Variants in KIF21B observed in about 807,000 individuals in gnomAD.
KIF21B encodes the protein kinesin family member 21B.
Under a neutral mutation model 192.9 loss-of-function variants are expected in KIF21B, and 85 were observed. That is an observed-to-expected ratio of 0.44 (90% confidence interval 0.37 to 0.53). KIF21B has a LOEUF of 0.53. KIF21B is among the 20% of genes least tolerant of loss of function. KIF21B has a pLI of 0.00. For synonymous variants in KIF21B, 832 were observed against 884.6 expected (o/e 0.94, Z 1.05); for missense variants, 1,716 against 2,194.8 (o/e 0.78, Z 4.36).
intron 23 of KIF21B, 33 bp downstream of exon 23, chr1:200,988,460 A>G (rs772759732): frequency 6.5e-6 from 10 of 1,549,398 alleles, no homozygotes; most frequent in Admixed American, 3.5e-5. Context: ...ACATGCTGTG[A>G]GCCAGCCTCT....
chr1:200,990,857 C>G lies in KIF21B; in HGVS notation c.2687+60G>C. The G allele has an allele frequency of 6.2e-7, 1 of 1,605,744 alleles. No homozygotes were observed. Among genetic ancestry groups the G allele is most frequent in the Non-Finnish European group, 8.5e-7 (1 of 1,173,300 alleles). On this transcript the variant is annotated intron_variant, in intron 18 of 34. Coordinates refer to ENST00000461742, the MANE Select transcript of KIF21B (RefSeq NM_001252102.2). The surrounding 1 kb of genome is among the most constrained non-coding windows in gnomAD (Gnocchi z 5.4). The stretch of plus-strand genomic sequence containing the variant: ...AGCTTCCCTCTTCCTCACCCTGGCC[C>G]TGCCCCATATTCCCACCCCCTCTGC...
At position 200,975,894 on chromosome 1, in the gene KIF21B, A is replaced by C. The variant is rs758002477; in HGVS notation, c.4444-225T>G. 2.0e-5 allele frequency among the ~76,000 whole-genome samples: 3 copies of C among 152,042 alleles called. No homozygotes were observed. The highest frequency in any genetic ancestry group is 2.9e-5 in the Non-Finnish European group (2 of 67,974). ...GTTCAGATCTTGACCCTTCCTGTGG[A>C]TACTGGGGCAGGGGTGGGAGGAGAC... On this transcript the variant is annotated intron_variant, in intron 32 of 34. Coordinates refer to ENST00000461742, the MANE Select transcript of KIF21B (RefSeq NM_001252102.2). The surrounding 1 kb of genome is among the most constrained non-coding windows in gnomAD (Gnocchi z 4.3).
intron 1 of KIF21B, among the ~76,000 whole-genome samples, chr1:201,021,086 T>G (rs1220039164): frequency 3.3e-5 from 5 of 152,112 alleles, no homozygotes. Flanking sequence ...CACCCAGTCT[T>G]TCAGGTGAGA....
At chr1:200,977,157 G>T in intron 31 of KIF21B, 55 bp downstream of exon 31, 5 of 1,566,036 alleles carry the variant, frequency 3.2e-6, no homozygotes, top group Non-Finnish European at 4.3e-6. Flanking sequence ...ACCAAGACCT[G>T]GGGACCTTGC....
intron 21 of KIF21B, 92 bp from the exon 22 acceptor site, chr1:200,989,023 G>T: frequency 7.5e-7 from 1 of 1,334,752 alleles, no homozygotes; most frequent in Non-Finnish European, 1.0e-6. Context: ...ACACCTTGGA[G>T]TGCTCCTTTC....
intron 6 of KIF21B, 91 bp from the exon 7 acceptor site, chr1:201,004,546 T>G (rs768512738): frequency 2.0e-5 from 24 of 1,228,098 alleles, no homozygotes; most frequent in African/African-American, 1.0e-4. Flanking sequence ...TGTACCTGCC[T>G]CTTTGGCCCC....
At chr1:201,009,529 A>C in intron 1 of KIF21B, 41 bp from the exon 2 acceptor site, 1 of 1,573,548 alleles carries the variant, frequency 6.4e-7, no homozygotes, top group Non-Finnish European at 8.7e-7. Flanking sequence ...GCCCAGCTAG[A>C]AGGGGGCTGC....
rs143475131 is a variant in KIF21B, at chr1:201,006,833, C to T, written c.448-1139G>A. Among the ~76,000 whole-genome samples the T allele has an allele frequency of 8.7e-3, 1,316 of 151,808 alleles. 15 individuals are homozygous for T. The highest frequency in any genetic ancestry group is 0.027 in the African/African-American group (1,111 of 41,356). On this transcript the variant is annotated intron_variant, in intron 3 of 34. Transcript: ENST00000461742. ...ACACCCACATAAAGACACAGAGATA[C>T]ACAGACACAGACACAGAGACACACA...
chr1:201,015,970 A>G (rs1246033409), intron 1 of KIF21B, among the ~76,000 whole-genome samples: 1 of 152,156 alleles, frequency 6.6e-6, no homozygotes, highest in Admixed American at 6.5e-5. Flanking sequence ...GACTTATCTG[A>G]TGAGGACACA....
intron 1 of KIF21B, among the ~76,000 whole-genome samples, chr1:201,014,357 G>T (rs1220652547): frequency 6.6e-6 from 1 of 152,238 alleles, no homozygotes; most frequent in African/African-American, 2.4e-5. Flanking sequence ...CTGGAGCACA[G>T]AGCTGCAGGA....
intron 34 of KIF21B, 153 bp from the exon 35 acceptor site, chr1:200,973,731 C>T (rs1655350153): frequency 2.0e-6 from 3 of 1,475,688 alleles, no homozygotes; most frequent in African/African-American, 2.9e-5. Flanking sequence ...AGGTGGACTG[C>T]AGGTGGTGGG....
rs1448603030 is a variant in KIF21B at position 200,979,569 on chromosome 1, T to C, written c.4126A>G (p.Ile1376Val). Residue 1376 changes from isoleucine to valine, a missense_variant, in exon 30 of 35, where the codon ATC (isoleucine) becomes GTC (valine). This residue lies in a region of KIF21B where 580 missense variants were observed against 775.5 expected (regional missense o/e 0.75). Transcript: ENST00000461742. ...VSTSYIKVWD[I>V]RDSAKCIRTL... The stretch of plus-strand genomic sequence containing the variant: ...CGAATGCACTTGGCTGAGTCCCGGA[T>C]GTCCCACACCTTGATGTAGGAGGTG... The C allele has an allele frequency of 3.2e-6, 5 of 1,579,656 alleles. No individual in the cohort carries two copies. Among genetic ancestry groups the C allele is most frequent in the Admixed American group, 1.8e-5 (1 of 54,426 alleles).
intron 29 of KIF21B, among the ~76,000 whole-genome samples, chr1:200,980,353 C>G (rs1031297795): frequency 6.6e-6 from 1 of 152,228 alleles, no homozygotes; most frequent in Non-Finnish European, 1.5e-5. Context: ...CTCCCGGACT[C>G]AAACGATCCT....
At chr1:201,015,852 T>TA (rs1227359605) in intron 1 of KIF21B, among the ~76,000 whole-genome samples, 2 of 152,212 alleles carry the variant, frequency 1.3e-5, no homozygotes, top group Non-Finnish European at 2.9e-5. Context: ...CAAAGATGAT[T>TA]AAGCCTGGGA....
chr1:201,008,646 C>G, intron 3 of KIF21B, 123 bp downstream of exon 3: 1 of 912,612 alleles, frequency 1.1e-6, no homozygotes. Context: ...GCAGGGAACT[C>G]ATCACCTGGA....
At chr1:200,974,600 T>C in intron 34 of KIF21B, 114 bp downstream of exon 34, 1 of 1,105,596 alleles carries the variant, frequency 9.0e-7, no homozygotes. Flanking sequence ...TGGAATCTGC[T>C]CTGTGAACCG....
Position 200,990,968 on chromosome 1 carries a change from T to C in KIF21B, c.2636A>G (p.His879Arg), listed in dbSNP as rs753653884. ...GGGCGCAGGATGGTCCCCCAAGAAG[T>C]GGTTGATTTTGCGGTTCCACTGGCG... Reference protein sequence around the residue: ...IVRQWNRKINHFLGDHPAPTV... With the variant: ...IVRQWNRKINRFLGDHPAPTV... The change falls in exon 18 of 35, where the codon CAC becomes CGC. Residue 879 changes from histidine to arginine, a missense_variant. His to Arg is a conservative substitution (Grantham distance 29, BLOSUM62 0). Coordinates refer to ENST00000461742, the MANE Select transcript of KIF21B (RefSeq NM_001252102.2). The surrounding 1 kb of genome is among the most constrained non-coding windows in gnomAD (Gnocchi z 5.4). The C allele has an allele frequency of 6.2e-7, 1 of 1,613,622 alleles. No homozygotes were observed. Among genetic ancestry groups the C allele is most frequent in the Non-Finnish European group, 8.5e-7 (1 of 1,179,916 alleles).
chr1:201,015,420 C>T (rs572106503), intron 1 of KIF21B, among the ~76,000 whole-genome samples: 1 of 152,228 alleles, frequency 6.6e-6, no homozygotes, highest in Non-Finnish European at 1.5e-5. Context: ...CATATCTGCT[C>T]TTTTCTGCTA....
chr1:200,979,740 A>G (rs1241542550), intron 29 of KIF21B, 25 bp from the exon 30 acceptor site: 2 of 1,484,168 alleles, frequency 1.3e-6, no homozygotes, highest in Non-Finnish European at 1.8e-6. Context: ...AGGAAGCCAC[A>G]GGGAGGGGAG....
Sources: gnomAD v4.1 joint callset for allele counts (sites outside exome capture counted in the v4.1 genomes callset) on GRCh38, gnomAD v4.1.1 for gene constraint, gnomAD v4.1.1 regional missense constraint, Gnocchi (gnomAD v3.1) non-coding constraint, MANE v1.5 for transcripts, NCBI Gene and HGNC (gene_info 2026-07-23, HGNC 2026-07-21) for gene names.